The following RGL1 variants were observed in gnomAD, a reference collection of about 807,000 sequenced individuals.
RGL1 encodes ral guanine nucleotide dissociation stimulator like 1, also known as ral guanine nucleotide dissociation stimulator-like 1.
RGL1 carries 24 observed loss-of-function variants against 95.2 expected under a neutral mutation model. The ratio of observed to expected loss-of-function variants is 0.25; its 90% confidence interval spans 0.18 to 0.35. RGL1 has a LOEUF of 0.35. Among genes scored for constraint, RGL1 ranks in the 10% least tolerant of loss-of-function variants. The pLI is 1.00. For synonymous variants in RGL1, 329 were observed against 344.9 expected (o/e 0.95, Z 0.51); for missense variants, 715 against 936.3 (o/e 0.76, Z 3.08).
At chr1:183,819,983 C>T (rs373813955) in intron 2 of RGL1, among the ~76,000 whole-genome samples, 4 of 151,910 alleles carry the variant, frequency 2.6e-5, no homozygotes, top group East Asian at 1.9e-4. Flanking sequence ...TGGGGGGTCT[C>T]GCTATGTTGC....
chr1:183,869,678 GCTCT>G (rs1666048739), intron 4 of RGL1, among the ~76,000 whole-genome samples: 1 of 151,058 alleles, frequency 6.6e-6, no homozygotes, highest in Non-Finnish European at 1.5e-5. Flanking sequence ...TTATTTTTTG[GCTCT>G]CTTTTTCTGA....
At chr1:183,842,847 G>C (rs1486989359) in intron 2 of RGL1, among the ~76,000 whole-genome samples, 6 of 152,132 alleles carry the variant, frequency 3.9e-5, no homozygotes, top group Non-Finnish European at 5.9e-5. Context: ...GCAAAAACAG[G>C]TCCTAAAGTC....
intron 2 of RGL1, among the ~76,000 whole-genome samples, chr1:183,816,827 A>G (rs1386276421): frequency 6.6e-6 from 1 of 152,036 alleles, no homozygotes; most frequent in East Asian, 1.9e-4. Context: ...CTGATTAACT[A>G]ATGAGAGGTG....
At chr1:183,789,457 A>G (rs937470373) in intron 2 of RGL1, among the ~76,000 whole-genome samples, 1 of 152,150 alleles carries the variant, frequency 6.6e-6, no homozygotes, top group Non-Finnish European at 1.5e-5. Flanking sequence ...TCAAAAAACA[A>G]AAAACAAAAA....
intron 2 of RGL1, among the ~76,000 whole-genome samples, chr1:183,847,184 C>A (rs1031905564): frequency 6.6e-5 from 10 of 152,166 alleles, no homozygotes; most frequent in African/African-American, 2.4e-4. Flanking sequence ...TGCAGTGGCT[C>A]ACACCTATAA....
intron 1 of RGL1, among the ~76,000 whole-genome samples, chr1:183,716,870 C>T (rs1655655207): frequency 6.6e-6 from 1 of 152,214 alleles, no homozygotes; most frequent in East Asian, 1.9e-4. Context: ...TAGTTCTTTG[C>T]CTGGATGCAG....
intron 2 of RGL1, among the ~76,000 whole-genome samples, chr1:183,827,590 G>C (rs1018836393): frequency 6.6e-6 from 1 of 152,218 alleles, no homozygotes; most frequent in African/African-American, 2.4e-5. Flanking sequence ...GAAAAATGCT[G>C]TATTTTCGAT....
At chr1:183,639,529 A>G (rs1007664606) in intron 1 of RGL1, among the ~76,000 whole-genome samples, 6 of 152,194 alleles carry the variant, frequency 3.9e-5, no homozygotes, top group East Asian at 1.9e-4. Flanking sequence ...TAATACTCCT[A>G]TGAATATCTA....
Position 183,883,804 on chromosome 1 carries a change from T to C in RGL1, c.629T>C (p.Ile210Thr). The C allele has an allele frequency of 6.2e-7, 1 of 1,614,006 alleles. No individual in the cohort carries two copies. Among genetic ancestry groups the C allele is most frequent in the Non-Finnish European group, 8.5e-7 (1 of 1,179,894 alleles). ...VETDNGLPNTISFSLEEEEEL... is the reference protein window; with the variant it reads ...VETDNGLPNTTSFSLEEEEEL... Reference sequence around the variant, plus strand: ...TGAACAGATGGGCTTCCCAACACGATCTCCTTCAGCCTGGAAGAGGAAGAG... The same window carrying C: ...TGAACAGATGGGCTTCCCAACACGACCTCCTTCAGCCTGGAAGAGGAAGAG... The change falls in exon 6 of 18, where the codon ATC becomes ACC. Residue 210 changes from isoleucine to threonine, a missense_variant. Ile to Thr is a moderately conservative substitution (Grantham distance 89). Coordinates refer to ENST00000360851, the MANE Select transcript of RGL1 (RefSeq NM_001297671.3).
chr1:183,913,847 T>A (rs1381030950), intron 15 of RGL1, among the ~76,000 whole-genome samples: 1 of 152,204 alleles, frequency 6.6e-6, no homozygotes, highest in Non-Finnish European at 1.5e-5. Flanking sequence ...ATGACTAATT[T>A]GCTGCTCTAG....
intron 2 of RGL1, among the ~76,000 whole-genome samples, chr1:183,774,911 C>G (rs1572396961): frequency 6.6e-6 from 1 of 152,090 alleles, no homozygotes; most frequent in Non-Finnish European, 1.5e-5. Flanking sequence ...GAGAGGACCT[C>G]CAGTCTTCTC....
At chr1:183,641,579 A>G (rs2101974940) in intron 1 of RGL1, among the ~76,000 whole-genome samples, 1 of 152,160 alleles carries the variant, frequency 6.6e-6, no homozygotes, top group East Asian at 1.9e-4. Context: ...CCTGGCCATA[A>G]TTTCAGTTTT....
chr1:183,654,530 G>A (rs1650998618), intron 1 of RGL1, among the ~76,000 whole-genome samples: 1 of 152,164 alleles, frequency 6.6e-6, no homozygotes, highest in Non-Finnish European at 1.5e-5. Context: ...ACATGTTGGG[G>A]TTTTTCTCCC....
chr1:183,827,779 A>G lies in RGL1; in HGVS notation c.139-19787A>G, dbSNP rs74949421. On this transcript the variant is annotated intron_variant, in intron 2 of 17. Coordinates refer to ENST00000360851, the MANE Select transcript of RGL1 (RefSeq NM_001297671.3). ...GTGTACGCTATTTCCCTGGCTCAAT[A>G]TAATATAAGTTTTTAAACTTTACAA... 8.8e-3 allele frequency among the ~76,000 whole-genome samples: 1,344 copies of G among 152,362 alleles called. 16 individuals carry two copies. The highest frequency in any genetic ancestry group is 0.011 in the Non-Finnish European group (759 of 68,030).
chr1:183,880,304 C>T (rs1666749847), intron 4 of RGL1, among the ~76,000 whole-genome samples: 1 of 152,204 alleles, frequency 6.6e-6, no homozygotes, highest in African/African-American at 2.4e-5. Flanking sequence ...TCAGGACTCA[C>T]TAAACCTTCT....
intron 2 of RGL1, among the ~76,000 whole-genome samples, chr1:183,743,046 C>T (rs946096256): frequency 6.6e-6 from 1 of 152,060 alleles, no homozygotes; most frequent in East Asian, 1.9e-4. Context: ...GGATCTTGCT[C>T]TTCTGTCCAG....
chr1:183,682,888 C>T (rs991989438), intron 1 of RGL1, among the ~76,000 whole-genome samples: 2 of 152,008 alleles, frequency 1.3e-5, no homozygotes, highest in Non-Finnish European at 2.9e-5. Flanking sequence ...ATAGTTAGCT[C>T]TTCTTGTTGC....
At chr1:183,773,114 C>G (rs549273369) in intron 2 of RGL1, among the ~76,000 whole-genome samples, 46 of 151,220 alleles carry the variant, frequency 3.0e-4, no homozygotes, top group African/African-American at 1.0e-3. Context: ...CAACACCTAG[C>G]TCTTACTCAT....
chr1:183,700,553 G>GTTT (rs34193140), intron 1 of RGL1, among the ~76,000 whole-genome samples: 3 of 140,896 alleles, frequency 2.1e-5, no homozygotes, highest in Admixed American at 7.1e-5. Flanking sequence ...ATCTAGGTTT[G>GTTT]TTTTTTTTTT....
Sources: allele counts gnomAD v4.1 joint callset (sites outside exome capture counted in the v4.1 genomes callset), GRCh38; gene constraint gnomAD v4.1.1; transcripts MANE v1.5; gene names NCBI Gene and HGNC (gene_info 2026-07-23, HGNC 2026-07-21).